Variants in HPSE2 observed in about 807,000 individuals in gnomAD.
HPSE2 encodes heparanase 2 (inactive).
In HPSE2, 38 loss-of-function variants were observed where a neutral mutation model predicts 60.5. The ratio of observed to expected loss-of-function variants is 0.63; its 90% CI spans 0.48 to 0.82. The LOEUF is 0.82. Ranked by LOEUF, HPSE2 falls within the 40% of genes least tolerant of loss-of-function variation. The pLI is 0.00. For missense variants in HPSE2, 713 were observed against 740.4 expected (o/e 0.96, Z 0.43); for synonymous variants, 295 against 293.2 (o/e 1.01, Z -0.06).
chr10:99,220,807 C>CAAA (rs113095503), intron 2 of HPSE2, among the ~76,000 whole-genome samples: 3 of 56,482 alleles, frequency 5.3e-5, no homozygotes, highest in Non-Finnish European at 7.5e-5. Flanking sequence ...GACTCCGTCT[C>CAAA]AAAAAAAAAA....
intron 7 of HPSE2, among the ~76,000 whole-genome samples, chr10:98,637,992 C>T (rs1366402854): frequency 6.6e-6 from 1 of 151,672 alleles, no homozygotes; most frequent in Non-Finnish European, 1.5e-5. Context: ...ATACAAAAAT[C>T]AGCCAGTTGT....
the HPSE2 span, among the ~76,000 whole-genome samples, chr10:99,305,967 G>GTGCGCGCGCA: frequency 9.2e-5 from 5 of 54,550 alleles, no homozygotes; most frequent in African/African-American, 4.0e-4. Context: ...ACACACGCGC[G>GTGCGCGCGCA]CGCGCGCGCG....
chr10:99,294,437 AC>A, the HPSE2 span, among the ~76,000 whole-genome samples: 1 of 146,312 alleles, frequency 6.8e-6, no homozygotes, highest in Non-Finnish European at 1.5e-5. Flanking sequence ...TATAATATAT[AC>A]ATATAATATA....
intron 3 of HPSE2, among the ~76,000 whole-genome samples, chr10:98,882,138 T>G (rs996156203): frequency 2.6e-5 from 4 of 152,006 alleles, no homozygotes; most frequent in African/African-American, 9.7e-5. Flanking sequence ...ATGCCTTGGG[T>G]AGCTGCTAGT....
At chr10:98,821,873 A>G (rs1243005861) in intron 3 of HPSE2, among the ~76,000 whole-genome samples, 1 of 152,206 alleles carries the variant, frequency 6.6e-6, no homozygotes, top group African/African-American at 2.4e-5. Flanking sequence ...CTAGAGTTCC[A>G]CTAAGACTTA....
chr10:98,606,320 A>G (rs2133955588), intron 9 of HPSE2, among the ~76,000 whole-genome samples: 1 of 152,376 alleles, frequency 6.6e-6, no homozygotes, highest in Middle Eastern at 3.4e-3. Context: ...AACCTCTAAT[A>G]CAGTTCTCAA....
At chr10:98,658,781 T>C (rs1947145344) in intron 6 of HPSE2, among the ~76,000 whole-genome samples, 1 of 152,196 alleles carries the variant, frequency 6.6e-6, no homozygotes, top group East Asian at 1.9e-4. Context: ...ATTTGATTTA[T>C]CAACAAAAAT....
chr10:98,650,262 G>A (rs1444396003), intron 6 of HPSE2, among the ~76,000 whole-genome samples: 2 of 152,210 alleles, frequency 1.3e-5, no homozygotes, highest in African/African-American at 2.4e-5. Context: ...TCCTGGAATG[G>A]CCACATGTGA....
At chr10:98,708,652 G>C (rs1948605487) in intron 5 of HPSE2, among the ~76,000 whole-genome samples, 1 of 151,964 alleles carries the variant, frequency 6.6e-6, no homozygotes, top group South Asian at 2.1e-4. Flanking sequence ...AAAATGATGA[G>C]ATCAACTTCA....
intron 9 of HPSE2, among the ~76,000 whole-genome samples, chr10:98,494,387 G>A (rs1003838715): frequency 6.6e-6 from 1 of 152,218 alleles, no homozygotes; most frequent in Non-Finnish European, 1.5e-5. Context: ...AAGGAAGGAG[G>A]AAGTAACTTG....
chr10:98,482,577 T>TC, intron 11 of HPSE2, 59 bp downstream of exon 11: 1 of 1,603,990 alleles, frequency 6.2e-7, no homozygotes, highest in Non-Finnish European at 8.5e-7. Flanking sequence ...GTCTTCAGCC[T>TC]CCCCCTCCCT....
At chr10:98,591,027 CAA>C (rs1945074726) in intron 9 of HPSE2, among the ~76,000 whole-genome samples, 1 of 152,012 alleles carries the variant, frequency 6.6e-6, no homozygotes, top group Non-Finnish European at 1.5e-5. Flanking sequence ...TAAATTACGT[CAA>C]GAGACTCTGA....
intron 3 of HPSE2, among the ~76,000 whole-genome samples, chr10:98,952,310 TTGTTTG>T (rs781413896): frequency 0.021 from 2,102 of 102,458 alleles, 21 homozygotes; most frequent in South Asian, 0.035. Flanking sequence ...TCAAAAGAAT[TTGTTTG>T]TGTGTGTGTG....
chr10:98,613,090 T>C (rs1415118177), intron 9 of HPSE2, among the ~76,000 whole-genome samples: 1 of 152,210 alleles, frequency 6.6e-6, no homozygotes, highest in African/African-American at 2.4e-5. Flanking sequence ...TTGGCTTACA[T>C]GTCACCTTCT....
chr10:98,561,235 C>T (rs1378065055), intron 9 of HPSE2, among the ~76,000 whole-genome samples: 3 of 149,854 alleles, frequency 2.0e-5, no homozygotes, highest in Non-Finnish European at 3.0e-5. Flanking sequence ...GGCATGATCT[C>T]GGCTCACTGC....
At chr10:98,958,221 A>T (rs926425218) in intron 3 of HPSE2, among the ~76,000 whole-genome samples, 1 of 152,166 alleles carries the variant, frequency 6.6e-6, no homozygotes, top group African/African-American at 2.4e-5. Flanking sequence ...ATATTTACAC[A>T]TACACATATT....
At chr10:98,972,128 T>C (rs190441894) in intron 3 of HPSE2, among the ~76,000 whole-genome samples, 1 of 152,260 alleles carries the variant, frequency 6.6e-6, no homozygotes, top group East Asian at 1.9e-4. Context: ...ATTGTTTTTA[T>C]AATTAGCATC....
intron 5 of HPSE2, among the ~76,000 whole-genome samples, chr10:98,707,788 A>G (rs1005345575): frequency 6.6e-6 from 1 of 152,188 alleles, no homozygotes; most frequent in African/African-American, 2.4e-5. Flanking sequence ...GCTTAATGAA[A>G]TTCGAATAAA....
chr10:98,916,956 A>G (rs1314786826), intron 3 of HPSE2, among the ~76,000 whole-genome samples: 1 of 152,134 alleles, frequency 6.6e-6, no homozygotes, highest in Non-Finnish European at 1.5e-5. Context: ...GGAGGAAATG[A>G]GGCTGCTATT....
Sources: allele counts gnomAD v4.1 joint callset (sites outside exome capture counted in the v4.1 genomes callset), GRCh38; gene constraint gnomAD v4.1.1; transcripts MANE v1.5; gene names NCBI Gene and HGNC (gene_info 2026-07-23, HGNC 2026-07-21).